The following GABRA4 variants were observed in gnomAD, a reference collection of about 807,000 sequenced individuals.
GABRA4 encodes the protein gamma-aminobutyric acid receptor subunit alpha-4.
A neutral mutation model predicts 49.7 loss-of-function variants in GABRA4; 12 were observed. The observed-to-expected ratio is 0.24, with a 90% CI of 0.15 to 0.39. The LOEUF is 0.39. Ranked by LOEUF, GABRA4 falls within the 10% of genes least tolerant of loss-of-function variation. GABRA4 has a pLI of 1.00. For synonymous variants in GABRA4, 288 were observed against 240.2 expected (o/e 1.20, Z -1.84); for missense variants, 506 against 686.0 (o/e 0.74, Z 2.93).
At chr4:46,979,260 C>A (rs1172010746) in intron 2 of GABRA4, among the ~76,000 whole-genome samples, 162 bp from the exon 3 acceptor site, 3 of 151,944 alleles carry the variant, frequency 2.0e-5, no homozygotes, top group Admixed American at 6.6e-5. Flanking sequence ...AAATGTAGAC[C>A]AAAGCGCAAC....
intron 8 of GABRA4, among the ~76,000 whole-genome samples, chr4:46,962,788 C>G (rs1158173042): frequency 6.6e-6 from 1 of 151,772 alleles, no homozygotes; most frequent in Non-Finnish European, 1.5e-5. Flanking sequence ...GAATAGAGAA[C>G]CCAGAAACAA....
rs767780863 is a variant in GABRA4, at chr4:46,979,147, C to T, written c.206-49G>A. 26 of 1,170,562 alleles carry T rather than the reference C, an allele frequency of 2.2e-5. No individual in the cohort carries two copies. In the Admixed American group the frequency reaches 3.8e-4, roughly 17 times the overall value. 72.5% of individuals were successfully genotyped at this position (1,170,562 alleles called of 1,614,324 possible). ...TGTGAAAAAATAATTACCAATTTTA[C>T]AGGCTGGGAAGGTTAGATAATTACA... On this transcript the variant is annotated intron_variant, in intron 2 of 8. Coordinates refer to ENST00000264318, the MANE Select transcript of GABRA4 (RefSeq NM_000809.4).
intron 7 of GABRA4, among the ~76,000 whole-genome samples, chr4:46,967,661 A>G (rs1205866668): frequency 1.3e-5 from 2 of 151,676 alleles, no homozygotes; most frequent in African/African-American, 4.8e-5. Context: ...TGCATCCAGG[A>G]AGACAATTCA....
At chr4:46,958,054 A>C (rs1017778250) in intron 8 of GABRA4, among the ~76,000 whole-genome samples, 12 of 152,084 alleles carry the variant, frequency 7.9e-5, no homozygotes, top group African/African-American at 2.9e-4. Context: ...TATGTATATA[A>C]AATACATACA....
Position 46,921,315 on chromosome 4 carries a change from A to G in GABRA4, c.*6910T>C, listed in dbSNP as rs1438900324. On this transcript the variant is annotated 3_prime_UTR_variant, in exon 9 of 9. Transcript: ENST00000264318. ...AATTGAAGGACAGGAAAATATAAAC[A>G]GTGTAATAAATTAACATTGGGATAG... is the stretch of plus-strand genomic sequence containing the variant. 1 of 151,984 alleles carries G rather than the reference A, an allele frequency of 6.6e-6. No homozygotes were observed. Among genetic ancestry groups the G allele is most frequent in the Admixed American group, 6.6e-5 (1 of 15,226 alleles). 9.4% of individuals were successfully genotyped at this position (151,984 alleles called of 1,614,324 possible).
At chr4:46,990,605 TC>T (rs1393023554) in intron 2 of GABRA4, among the ~76,000 whole-genome samples, 4 of 152,256 alleles carry the variant, frequency 2.6e-5, no homozygotes, top group Admixed American at 2.6e-4. Flanking sequence ...TGGATACTTT[TC>T]TTATTTTTTT....
chr4:46,945,171 T>C (rs1290407004), intron 8 of GABRA4, among the ~76,000 whole-genome samples: 1 of 152,106 alleles, frequency 6.6e-6, no homozygotes, highest in Admixed American at 6.6e-5. Context: ...TCCTGGGCCA[T>C]GATAGTAGTT....
At position 46,926,577 on chromosome 4, in the gene GABRA4, TAA is replaced by T. The variant is rs1299633007; in HGVS notation, c.*1646_*1647del. 2 of 151,874 alleles carry T rather than the reference TAA, an allele frequency of 1.3e-5. No homozygotes were observed. The highest frequency in any genetic ancestry group is 3.9e-4 in the East Asian group (2 of 5,180). The allele number at this position is 151,874 out of a possible 1,614,324, so 9.4% of individuals were successfully genotyped here. On this transcript the variant is annotated 3_prime_UTR_variant, in exon 9 of 9. Transcript: ENST00000264318. ...ATTAACTACTATCACTTCTTTTCTA[TAA>T]AAACAAAAAGAGAGAGAGAGATTTT...
At chr4:46,981,970 C>CT (rs1723372600) in intron 2 of GABRA4, among the ~76,000 whole-genome samples, 1 of 151,954 alleles carries the variant, frequency 6.6e-6, no homozygotes, top group Admixed American at 6.6e-5. Flanking sequence ...GCCAGTGGGG[C>CT]TGAAGCAAAG....
chr4:46,987,491 A>C (rs1465635942), intron 2 of GABRA4, among the ~76,000 whole-genome samples: 2 of 152,108 alleles, frequency 1.3e-5, no homozygotes, highest in Non-Finnish European at 2.9e-5. Context: ...GTGTGAACTT[A>C]TGAGGGCAGG....
intron 7 of GABRA4, among the ~76,000 whole-genome samples, chr4:46,966,034 T>C (rs1337541944): frequency 6.6e-6 from 1 of 151,696 alleles, no homozygotes; most frequent in Non-Finnish European, 1.5e-5. Context: ...GCTTTCTCCT[T>C]AGCTTGGAAA....
chr4:46,958,412 G>T lies in GABRA4; in HGVS notation c.1134+6558C>A, dbSNP rs191650638. ...GCTGGATAAGAACTAAAGAATATAC[G>T]ATTGAAGTGATTTTTAAAAATATCA... On this transcript the variant is annotated intron_variant, in intron 8 of 8. Coordinates refer to ENST00000264318, the MANE Select transcript of GABRA4 (RefSeq NM_000809.4). 1.5e-4 allele frequency among the ~76,000 whole-genome samples: 23 copies of T among 151,844 alleles called. 1 individual carries two copies. The highest frequency in any genetic ancestry group is 5.3e-4 in the African/African-American group (22 of 41,454).
intron 2 of GABRA4, among the ~76,000 whole-genome samples, 180 bp from the exon 3 acceptor site, chr4:46,979,278 G>C (rs1006503176): frequency 1.3e-5 from 2 of 152,080 alleles, no homozygotes; most frequent in African/African-American, 4.8e-5. Context: ...AACAAGACCA[G>C]AAAGCAGTGT....
Position 46,926,498 on chromosome 4 carries a change from A to G in GABRA4, c.*1727T>C, listed in dbSNP as rs1721233796. On this transcript the variant is annotated 3_prime_UTR_variant, in exon 9 of 9. Coordinates refer to ENST00000264318, the MANE Select transcript of GABRA4 (RefSeq NM_000809.4). Reference sequence around the variant, plus strand: ...AATATTTGGCATTTGCACAATTTTCAGGTATCAAAAACAACCATTATAAGG... The same window carrying G: ...AATATTTGGCATTTGCACAATTTTCGGGTATCAAAAACAACCATTATAAGG... The G allele has an allele frequency of 6.6e-6, 1 of 151,952 alleles. No homozygotes were observed. The highest frequency in any genetic ancestry group is 1.5e-5 in the Non-Finnish European group (1 of 67,904). 9.4% of individuals were successfully genotyped at this position (151,952 alleles called of 1,614,324 possible).
chr4:46,954,549 C>T (rs1245584311), intron 8 of GABRA4, among the ~76,000 whole-genome samples: 1 of 144,880 alleles, frequency 6.9e-6, no homozygotes, highest in Admixed American at 6.9e-5. Flanking sequence ...AATAGTGAAA[C>T]GCCATCCAAA....
chr4:46,932,791 C>T (rs542869954), intron 8 of GABRA4, among the ~76,000 whole-genome samples: 13 of 152,154 alleles, frequency 8.5e-5, no homozygotes, highest in Admixed American at 6.6e-4. Flanking sequence ...ATTGCCTATA[C>T]GTAGCCATTC....
chr4:46,966,593 A>C (rs1041360001), intron 7 of GABRA4, among the ~76,000 whole-genome samples: 3 of 151,722 alleles, frequency 2.0e-5, no homozygotes, highest in Non-Finnish European at 4.4e-5. Context: ...CTTCAGGTTT[A>C]TAATATGTCA....
chr4:46,930,895 C>T (rs1721408031), intron 8 of GABRA4, among the ~76,000 whole-genome samples: 1 of 150,688 alleles, frequency 6.6e-6, no homozygotes, highest in Non-Finnish European at 1.5e-5. Flanking sequence ...ACCATAATCA[C>T]CGAGAGGGAA....
chr4:46,970,906 GCCCAAATCTC>G, intron 7 of GABRA4, among the ~76,000 whole-genome samples, 167 bp downstream of exon 7: 1 of 151,618 alleles, frequency 6.6e-6, no homozygotes, highest in South Asian at 2.1e-4. Context: ...AAGGAAGGAT[GCCCAAATCTC>G]CCCAAGCTTT....
Sources: gnomAD v4.1 joint callset for allele counts (sites outside exome capture counted in the v4.1 genomes callset) on GRCh38, gnomAD v4.1.1 for gene constraint, MANE v1.5 for transcripts, NCBI Gene and HGNC (gene_info 2026-07-23, HGNC 2026-07-21) for gene names.